Variants in CCDC148 observed in about 807,000 individuals in gnomAD.
The protein encoded by CCDC148 is coiled-coil domain-containing protein 148.
In CCDC148, 89 loss-of-function variants were observed where a neutral mutation model predicts 85.7. The ratio of observed to expected loss-of-function variants is 1.04; its 90% CI spans 0.87 to 1.24. The LOEUF (loss-of-function observed/expected upper bound fraction) is 1.24, where lower values mean the gene tolerates loss of function less well. Ranked by LOEUF, CCDC148 falls within the 50% of genes most tolerant of loss-of-function variation. The pLI, the probability that CCDC148 is intolerant of heterozygous loss-of-function variation, is 0.00. For synonymous variants in CCDC148, 230 were observed against 213.9 expected (o/e 1.08, Z -0.66); for missense variants, 692 against 671.7 (o/e 1.03, Z -0.33).
At chr2:158,172,298 G>C in intron 13 of CCDC148, 39 bp from the exon 14 acceptor site, 1 of 1,447,852 alleles carries the variant, frequency 6.9e-7, no homozygotes, top group South Asian at 1.3e-5. Flanking sequence ...ACAATTCATT[G>C]AACTAAAATA....
intron 11 of CCDC148, among the ~76,000 whole-genome samples, chr2:158,187,339 T>C (rs748853839): frequency 9.2e-5 from 14 of 152,074 alleles, no homozygotes; most frequent in Non-Finnish European, 1.5e-4. Context: ...CATGGTTCTC[T>C]TTCCTCTACG....
rs201385956 is a variant in CCDC148 at position 158,309,643 on chromosome 2, A to T, written c.904-4T>A. The T allele has an allele frequency of 1.1e-4, 179 of 1,600,894 alleles. No individual in the cohort carries two copies. The African/African-American group carries it at 2.2e-3, about 20-fold the overall frequency. ...CACAATATTTCTCGTGTTCAACCTGAAAAGATAACAGAGGGTGAATACTTA... is the reference window on the plus strand; with the variant it reads ...CACAATATTTCTCGTGTTCAACCTGTAAAGATAACAGAGGGTGAATACTTA... On this transcript the variant is annotated splice_region_variant and splice_polypyrimidine_tract_variant and intron_variant, in intron 8 of 13. Coordinates refer to ENST00000283233, the MANE Select transcript of CCDC148 (RefSeq NM_138803.4).
chr2:158,266,913 C>T (rs921851854), intron 9 of CCDC148, among the ~76,000 whole-genome samples: 7 of 137,780 alleles, frequency 5.1e-5, no homozygotes, highest in African/African-American at 1.5e-4. Context: ...TATACACACA[C>T]ATATATACAT....
intron 1 of CCDC148, among the ~76,000 whole-genome samples, chr2:158,400,648 G>A (rs1038601822): frequency 6.6e-6 from 1 of 152,076 alleles, no homozygotes; most frequent in Non-Finnish European, 1.5e-5. Context: ...ATAGGTATGG[G>A]GAAAGACTTC....
intron 2 of CCDC148, among the ~76,000 whole-genome samples, chr2:158,349,549 T>G (rs1469541042): frequency 6.6e-6 from 1 of 152,000 alleles, no homozygotes; most frequent in East Asian, 1.9e-4. Flanking sequence ...TAAAAAAAAC[T>G]TTGAGTTGTA....
At chr2:158,228,449 C>T (rs1687671554) in intron 10 of CCDC148, among the ~76,000 whole-genome samples, 1 of 152,162 alleles carries the variant, frequency 6.6e-6, no homozygotes, top group Non-Finnish European at 1.5e-5. Flanking sequence ...CCAGCAATCC[C>T]ATTGCTGGGT....
intron 10 of CCDC148, among the ~76,000 whole-genome samples, chr2:158,221,604 G>A (rs904960618): frequency 6.6e-6 from 1 of 152,148 alleles, no homozygotes; most frequent in African/African-American, 2.4e-5. Flanking sequence ...TACCCCTAAG[G>A]TGGCATTTTC....
chr2:158,223,392 G>A (rs1266905007), intron 10 of CCDC148, among the ~76,000 whole-genome samples: 1 of 152,170 alleles, frequency 6.6e-6, no homozygotes, highest in East Asian at 1.9e-4. Flanking sequence ...TCCACTCTAG[G>A]GGCAGGGCAT....
rs1226244458 is a variant in CCDC148 at position 158,252,140 on chromosome 2, T to C, written c.1111-1228A>G. ...ATTTCTTACACATTTCATATAAGCA[T>C]CATTTATTAATGGTAATATATATGA... On this transcript the variant is annotated intron_variant, in intron 9 of 13. Coordinates refer to ENST00000283233, the MANE Select transcript of CCDC148 (RefSeq NM_138803.4). Among the ~76,000 whole-genome samples, 7 of 151,784 alleles carry C rather than the reference T, an allele frequency of 4.6e-5. 1 individual carries two copies. The South Asian group carries it at 1.2e-3, about 27-fold the overall frequency.
chr2:158,324,463 A>G (rs1005318391), intron 7 of CCDC148, among the ~76,000 whole-genome samples: 1 of 152,156 alleles, frequency 6.6e-6, no homozygotes, highest in Non-Finnish European at 1.5e-5. Flanking sequence ...ATACTTGATG[A>G]AGCTCATTCC....
intron 9 of CCDC148, among the ~76,000 whole-genome samples, chr2:158,282,782 A>G (rs1473835602): frequency 2.2e-4 from 34 of 152,126 alleles, no homozygotes; most frequent in South Asian, 2.1e-3. Flanking sequence ...AAACTACTTT[A>G]AAGTTCATAT....
chr2:158,239,065 T>TG (rs1688234799), intron 10 of CCDC148, among the ~76,000 whole-genome samples: 1 of 152,152 alleles, frequency 6.6e-6, no homozygotes. Context: ...CCCTTAGGGC[T>TG]GTTAAGAAGA....
At chr2:158,212,918 G>A (rs1193414392) in intron 11 of CCDC148, among the ~76,000 whole-genome samples, 1 of 152,158 alleles carries the variant, frequency 6.6e-6, no homozygotes, top group Non-Finnish European at 1.5e-5. Context: ...AAGTGGAATG[G>A]TCTCAAGAAC....
rs534195367 is a variant in CCDC148 at position 158,429,021 on chromosome 2, C to G, written c.25+27394G>C. On this transcript the variant is annotated intron_variant, in intron 1 of 13. Coordinates refer to ENST00000283233, the MANE Select transcript of CCDC148 (RefSeq NM_138803.4). ...TGAAGCTGGAAACCATCATTCTCAGCAAACTATCACAAGGACGGGAAACCA... is the reference window on the plus strand; with the variant it reads ...TGAAGCTGGAAACCATCATTCTCAGGAAACTATCACAAGGACGGGAAACCA... Among the ~76,000 whole-genome samples the G allele has an allele frequency of 2.6e-5, 4 of 151,360 alleles. No individual in the cohort carries two copies. In the East Asian group the frequency reaches 5.9e-4, roughly 22 times the overall value.
In CCDC148 at chr2:158,296,414, G is replaced by A. The variant is rs115250248; in HGVS notation, c.1110+13019C>T. Among the ~76,000 whole-genome samples the A allele has an allele frequency of 4.8e-3, 724 of 151,630 alleles. 1 individual carries two copies. Among genetic ancestry groups the A allele is most frequent in the African/African-American group, 0.016 (662 of 41,310 alleles). ...GATCTATTTCTGGACTCTCTATTCT[G>A]TTCCACTAGACATGTTTACATTTTT... On this transcript the variant is annotated intron_variant, in intron 9 of 13. Coordinates refer to ENST00000283233, the MANE Select transcript of CCDC148 (RefSeq NM_138803.4).
In CCDC148 at chr2:158,387,009, T is replaced by C. The variant is rs144113481; in HGVS notation, c.26-28439A>G. On this transcript the variant is annotated intron_variant, in intron 1 of 13. Coordinates refer to ENST00000283233, the MANE Select transcript of CCDC148 (RefSeq NM_138803.4). ...CTTTGCAGGGACAAAAATGGGACTA[T>C]AAAAAATACATATATGGTTGTGGAG... Among the ~76,000 whole-genome samples the C allele has an allele frequency of 5.2e-4, 79 of 152,244 alleles. No individual in the cohort carries two copies. The East Asian group carries it at 0.011, about 22-fold the overall frequency.
At chr2:158,329,491 G>C (rs915411860) in intron 7 of CCDC148, among the ~76,000 whole-genome samples, 3 of 151,840 alleles carry the variant, frequency 2.0e-5, no homozygotes, top group Admixed American at 6.6e-5. Flanking sequence ...TTGGCGATGT[G>C]GGCTCTTTTT....
intron 11 of CCDC148, among the ~76,000 whole-genome samples, chr2:158,181,590 G>A (rs1366124411): frequency 2.0e-5 from 3 of 152,072 alleles, no homozygotes; most frequent in Non-Finnish European, 4.4e-5. Flanking sequence ...ATCTATAATA[G>A]GAGGAAGTAC....
chr2:158,384,967 T>G (rs779874156), intron 1 of CCDC148, among the ~76,000 whole-genome samples: 1 of 152,136 alleles, frequency 6.6e-6, no homozygotes, highest in Non-Finnish European at 1.5e-5. Flanking sequence ...GCCAGCTCAT[T>G]CTTATTGTCA....
Sources: gnomAD v4.1 joint callset for allele counts (sites outside exome capture counted in the v4.1 genomes callset) on GRCh38, gnomAD v4.1.1 for gene constraint, MANE v1.5 for transcripts, NCBI Gene and HGNC (gene_info 2026-07-23, HGNC 2026-07-21) for gene names.